Variants in PSD2 observed in about 807,000 individuals in gnomAD.
PSD2 encodes the protein PH and SEC7 domain-containing protein 2.
A neutral mutation model predicts 69.8 loss-of-function variants in PSD2; 38 were observed. That is an observed-to-expected ratio of 0.54 (90% CI 0.42 to 0.71). The LOEUF (loss-of-function observed/expected upper bound fraction) is 0.71, where lower values mean the gene tolerates loss of function less well. Among genes scored for constraint, PSD2 ranks in the 30% least tolerant of loss-of-function variants. PSD2 has a pLI of 0.00. For missense variants in PSD2, 943 were observed against 1,014.5 expected, an observed-to-expected ratio of 0.93 and a Z score of 0.96; for synonymous variants, 412 against 423.0, an observed-to-expected ratio of 0.97 and a Z score of 0.32.
intron 7 of PSD2, among the ~76,000 whole-genome samples, chr5:139,829,419 G>A (rs925094644): frequency 6.6e-6 from 1 of 152,128 alleles, no homozygotes; most frequent in African/African-American, 2.4e-5. Flanking sequence ...GTGTGCAATC[G>A]TTGCCACTGT....
the PSD2 span, among the ~76,000 whole-genome samples, chr5:139,787,019 G>C: frequency 6.6e-6 from 1 of 152,260 alleles, no homozygotes; most frequent in South Asian, 2.1e-4. Context: ...ACACCTCCAC[G>C]AGCATCCGAA....
At chr5:139,743,283 G>C in the PSD2 span, among the ~76,000 whole-genome samples, 1 of 152,250 alleles carries the variant, frequency 6.6e-6, no homozygotes, top group African/African-American at 2.4e-5. Context: ...GAAGGACAGA[G>C]CAGACGTCTC....
intron 2 of PSD2, among the ~76,000 whole-genome samples, chr5:139,810,510 TG>T (rs940573203): frequency 1.3e-5 from 2 of 152,266 alleles, no homozygotes; most frequent in African/African-American, 4.8e-5. Flanking sequence ...TGAGTGTGCG[TG>T]GGGGCATGAG....
chr5:139,784,178 G>A, the PSD2 span, among the ~76,000 whole-genome samples: 33 of 151,652 alleles, frequency 2.2e-4, no homozygotes, highest in Non-Finnish European at 3.4e-4. Context: ...GACCTCAAGC[G>A]ATCCACCCGC....
the PSD2 span, among the ~76,000 whole-genome samples, chr5:139,776,750 C>T: frequency 1.7e-4 from 25 of 151,508 alleles, no homozygotes; most frequent in Non-Finnish European, 3.7e-4. Context: ...CTCACTGTAG[C>T]CTCAACTTCC....
chr5:139,841,504 T>G (rs1760868911), intron 14 of PSD2, among the ~76,000 whole-genome samples: 1 of 152,262 alleles, frequency 6.6e-6, no homozygotes, highest in Admixed American at 6.5e-5. Context: ...TTCAAGACCC[T>G]GCTTTCAACT....
chr5:139,783,943 C>CTTTTTTTTTTTTTTTTTTTTTTTTT, the PSD2 span, among the ~76,000 whole-genome samples: 65 of 87,884 alleles, frequency 7.4e-4, 1 homozygote, highest in Non-Finnish European at 1.1e-3. Flanking sequence ...TCTGCTAGCT[C>CTTTTTTTTTTTTTTTTTTTTTTTTT]TTTTTTTTTT....
At chr5:139,795,291 G>GC (rs1257711187), upstream of PSD2, among the ~76,000 whole-genome samples, 1 of 152,064 alleles carries the variant, frequency 6.6e-6, no homozygotes, top group African/African-American at 2.4e-5. The surrounding 1 kb of genome is among the most constrained non-coding windows in gnomAD (Gnocchi z 4.5). Context: ...CTTCACCTTG[G>GC]CCCCCCGCAC....
chr5:139,793,529 A>AG (rs768873715), upstream of PSD2, among the ~76,000 whole-genome samples: 61 of 152,320 alleles, frequency 4.0e-4, no homozygotes, highest in Non-Finnish European at 6.9e-4. Flanking sequence ...TACAAAGGAC[A>AG]GGGGGCAGAT....
rs1025164442 is a variant in PSD2, at chr5:139,837,986, G to T, written c.1823+204G>T. 1.3e-5 allele frequency among the ~76,000 whole-genome samples: 2 copies of T among 152,214 alleles called. No homozygotes were observed. The highest frequency in any genetic ancestry group is 6.5e-5 in the Admixed American group (1 of 15,290). On this transcript the variant is annotated intron_variant, in intron 12 of 14. Coordinates refer to ENST00000274710, the MANE Select transcript of PSD2 (RefSeq NM_032289.4). The surrounding 1 kb of genome is among the most constrained non-coding windows in gnomAD (Gnocchi z 5.0). ...TTGCAGTCTCTCTGGCCCCACCTTAGACCTACTGAACCCAAAACTCTGGGA... is the reference window on the plus strand; with the variant it reads ...TTGCAGTCTCTCTGGCCCCACCTTATACCTACTGAACCCAAAACTCTGGGA...
the PSD2 span, among the ~76,000 whole-genome samples, chr5:139,777,740 G>C: frequency 6.6e-6 from 1 of 152,062 alleles, no homozygotes; most frequent in Non-Finnish European, 1.5e-5. Context: ...AAAATTAGCT[G>C]CGTGTGGTGG....
chr5:139,830,592 T>TTCTTTCTTTC (rs779474791), intron 7 of PSD2, among the ~76,000 whole-genome samples: 17 of 86,024 alleles, frequency 2.0e-4, no homozygotes, highest in African/African-American at 9.0e-4. Flanking sequence ...CTTTCTTTCT[T>TTCTTTCTTTC]TTTCTTTCTT....
intron 1 of PSD2, among the ~76,000 whole-genome samples, chr5:139,804,114 CTCTTT>C (rs1759740001): frequency 6.6e-6 from 1 of 152,172 alleles, no homozygotes; most frequent in African/African-American, 2.4e-5. Context: ...CATTGATCAT[CTCTTT>C]TAAGTGTCTG....
At chr5:139,775,209 CT>C in the PSD2 span, 1 of 152,390 alleles carries the variant, frequency 6.6e-6, no homozygotes, top group Non-Finnish European at 1.5e-5. Context: ...CACACCCTAT[CT>C]TTGCAAGGCA....
At chr5:139,803,075 G>A (rs187047404) in intron 1 of PSD2, among the ~76,000 whole-genome samples, 57 of 152,370 alleles carry the variant, frequency 3.7e-4, no homozygotes, top group African/African-American at 1.2e-3. Context: ...TAAAGAGGGC[G>A]TAGGTTCTTG....
At chr5:139,754,808 T>C in the PSD2 span, among the ~76,000 whole-genome samples, 2 of 152,180 alleles carry the variant, frequency 1.3e-5, no homozygotes, top group African/African-American at 4.8e-5. Flanking sequence ...ACCTGGGAAG[T>C]TGAAGCTGCA....
the PSD2 span, among the ~76,000 whole-genome samples, chr5:139,779,745 C>T: frequency 2.0e-5 from 3 of 152,236 alleles, no homozygotes; most frequent in African/African-American, 4.8e-5. Flanking sequence ...TAGTTTTGCT[C>T]ATTCTAGAAT....
intron 1 of PSD2, among the ~76,000 whole-genome samples, chr5:139,807,651 C>T (rs975931409): frequency 3.2e-4 from 48 of 152,156 alleles, no homozygotes; most frequent in Middle Eastern, 3.4e-3. Flanking sequence ...TCAGTGTAAA[C>T]GGGCGGCGTC....
At chr5:139,819,281 T>C (rs989550739) in intron 5 of PSD2, among the ~76,000 whole-genome samples, 5 of 152,178 alleles carry the variant, frequency 3.3e-5, no homozygotes, top group Non-Finnish European at 5.9e-5. Context: ...GCTCTGATAA[T>C]AGGGTCCAGG....
Sources: gnomAD v4.1 joint callset for allele counts (sites outside exome capture counted in the v4.1 genomes callset) on GRCh38, gnomAD v4.1.1 for gene constraint, Gnocchi (gnomAD v3.1) non-coding constraint, MANE v1.5 for transcripts, NCBI Gene and HGNC (gene_info 2026-07-23, HGNC 2026-07-21) for gene names.